The following NAMPT variants were observed in gnomAD, a reference collection of about 807,000 sequenced individuals.
NAMPT encodes NAmPRTase.
A neutral mutation model predicts 58.7 loss-of-function variants in NAMPT; 7 were observed. The observed-to-expected ratio is 0.12, with a 90% CI of 0.07 to 0.22. NAMPT has a LOEUF of 0.22. Among genes scored for constraint, NAMPT ranks in the 10% least tolerant of loss-of-function variants. NAMPT has a pLI of 1.00. For missense variants in NAMPT, 271 were observed against 567.9 expected (o/e 0.48, Z 5.31); for synonymous variants, 145 against 198.1 (o/e 0.73, Z 2.25).
chr7:106,254,864 C>T (rs771648479), intron 8 of NAMPT, among the ~76,000 whole-genome samples: 1 of 152,126 alleles, frequency 6.6e-6, no homozygotes, highest in Non-Finnish European at 1.5e-5. Flanking sequence ...CAGATCTCAG[C>T]AACACAAGCA....
intron 1 of NAMPT, among the ~76,000 whole-genome samples, chr7:106,281,028 G>A (rs1176124600): frequency 2.7e-5 from 4 of 149,716 alleles, no homozygotes; most frequent in Non-Finnish European, 4.4e-5. Context: ...CTTCATGAAA[G>A]GATAAACTTC....
At chr7:106,261,827 A>C in intron 7 of NAMPT, 120 bp from the exon 8 acceptor site, 1 of 1,076,234 alleles carries the variant, frequency 9.3e-7, no homozygotes, top group Non-Finnish European at 1.4e-6. Context: ...CTACTTTAAA[A>C]ATTTTATAAC....
At chr7:106,285,072 G>T, upstream of NAMPT, 1 of 1,356,006 alleles carries the variant, frequency 7.4e-7, no homozygotes, top group South Asian at 1.6e-5. Context: ...ACGCGGCGCG[G>T]GTGACGGCTG....
At position 106,269,091 on chromosome 7, in the gene NAMPT, T is replaced by C. The variant is rs1792481240; in HGVS notation, c.606+63A>G. The C allele has an allele frequency of 2.7e-6, 4 of 1,476,532 alleles. No individual in the cohort carries two copies. The Admixed American group carries it at 6.5e-5, about 24-fold the overall frequency. The allele number at this position is 1,476,532 out of a possible 1,614,324, so 91.5% of individuals were successfully genotyped here. ...CAATCTCAATAACGTCCCCAAAAGT[T>C]TACAGTGGTACTCTAACCAACAATC... On this transcript the variant is annotated intron_variant, in intron 5 of 10. Transcript: ENST00000222553.
At chr7:106,281,246 A>G (rs969740130) in intron 1 of NAMPT, among the ~76,000 whole-genome samples, 5 of 151,958 alleles carry the variant, frequency 3.3e-5, no homozygotes, top group Non-Finnish European at 5.9e-5. Context: ...TATGACACAT[A>G]TATTTCAGTT....
At position 106,270,715 on chromosome 7, in the gene NAMPT, C is replaced by T. The variant is rs193183567; in HGVS notation, c.448-1403G>A. Among the ~76,000 whole-genome samples the T allele has an allele frequency of 5.0e-3, 759 of 152,226 alleles. 4 individuals carry two copies. The highest frequency in any genetic ancestry group is 8.5e-3 in the Non-Finnish European group (580 of 68,000). The stretch of plus-strand genomic sequence containing the variant: ...AAGAAACCTCTTCTGGAGTGAGACC[C>T]GGTAGTCCCAGCTATCTGACCTGAG... On this transcript the variant is annotated intron_variant, in intron 4 of 10. Coordinates refer to ENST00000222553, the MANE Select transcript of NAMPT (RefSeq NM_005746.3).
Position 106,249,917 on chromosome 7 carries a change from A to T in NAMPT, c.*1166T>A, listed in dbSNP as rs1054589347. On this transcript the variant is annotated 3_prime_UTR_variant, in exon 11 of 11. Transcript: ENST00000222553. ...GATGTCAAGCACTTTGAATTTAGCC[A>T]ACTTAAGATTCTTCTATTGAAACAC... is the stretch of plus-strand genomic sequence containing the variant. 1 of 152,060 alleles carries T rather than the reference A, an allele frequency of 6.6e-6. No homozygotes were observed. The highest frequency in any genetic ancestry group is 6.6e-5 in the Admixed American group (1 of 15,228). The allele number at this position is 152,060 out of a possible 1,614,324, so 9.4% of individuals were successfully genotyped here. A position where few individuals can be genotyped will look rare whatever the true frequency, so the allele number is the denominator to read the frequency against.
chr7:106,276,866 T>C (rs1792657480), intron 2 of NAMPT, 157 bp downstream of exon 2: 5 of 634,530 alleles, frequency 7.9e-6, no homozygotes, highest in Non-Finnish European at 1.3e-5. Flanking sequence ...AAACCTTTTA[T>C]TTCAGAAAAC....
intron 6 of NAMPT, among the ~76,000 whole-genome samples, chr7:106,266,121 C>T (rs1792403424): frequency 6.6e-6 from 1 of 152,152 alleles, no homozygotes; most frequent in Non-Finnish European, 1.5e-5. Context: ...GAAGGTCACC[C>T]AGGTTTCCCA....
At chr7:106,283,654 G>T (rs1392764713) in intron 1 of NAMPT, among the ~76,000 whole-genome samples, 2 of 152,156 alleles carry the variant, frequency 1.3e-5, no homozygotes, top group African/African-American at 4.8e-5. Flanking sequence ...ACTTGATAGT[G>T]TTCGGATTTT....
At chr7:106,251,551 T>G (rs762622851) in intron 10 of NAMPT, among the ~76,000 whole-genome samples, 38 of 151,914 alleles carry the variant, frequency 2.5e-4, no homozygotes, top group Admixed American at 8.5e-4. Flanking sequence ...TCATTGTGAG[T>G]GTGCAGCAAA....
intron 4 of NAMPT, among the ~76,000 whole-genome samples, chr7:106,269,840 C>T (rs1018570469): frequency 2.0e-5 from 3 of 152,114 alleles, no homozygotes; most frequent in Non-Finnish European, 4.4e-5. Context: ...GTTTACTCCT[C>T]GAGGTAGTCT....
At chr7:106,255,384 T>A (rs933234009) in intron 8 of NAMPT, among the ~76,000 whole-genome samples, 5 of 152,260 alleles carry the variant, frequency 3.3e-5, no homozygotes, top group Non-Finnish European at 5.9e-5. Flanking sequence ...AAAGGCTGAC[T>A]CTGTTTTAAA....
chr7:106,283,557 A>AC (rs1462935782), intron 1 of NAMPT, among the ~76,000 whole-genome samples: 4 of 152,216 alleles, frequency 2.6e-5, no homozygotes, highest in African/African-American at 4.8e-5. Context: ...TGATTGAACC[A>AC]AGAGAACACA....
At chr7:106,278,912 C>G (rs1792701732) in intron 1 of NAMPT, among the ~76,000 whole-genome samples, 1 of 152,146 alleles carries the variant, frequency 6.6e-6, no homozygotes, top group African/African-American at 2.4e-5. Flanking sequence ...CAGTTTGACC[C>G]TTACTGTTCA....
In NAMPT at chr7:106,269,352, A is replaced by G. The variant is rs773738235; in HGVS notation, c.448-40T>C. 2.6e-6 allele frequency: 4 copies of G among 1,562,518 alleles called. No homozygotes were observed. In the South Asian group the frequency reaches 4.7e-5, roughly 18 times the overall value. On this transcript the variant is annotated intron_variant, in intron 4 of 10. Transcript: ENST00000222553. ...TTAACCACAAATATTAAGACATAAA[A>G]TACTGCATTCTTTCTGAGGAAAATC...
intron 2 of NAMPT, chr7:106,275,759 G>A (rs1053217881): frequency 1.3e-5 from 2 of 152,204 alleles, no homozygotes; most frequent in Non-Finnish European, 2.9e-5. Flanking sequence ...TTGGGGCCAG[G>A]CGTGGTGGCT....
chr7:106,257,036 C>T (rs188480991), intron 8 of NAMPT, among the ~76,000 whole-genome samples: 5 of 151,830 alleles, frequency 3.3e-5, no homozygotes, highest in African/African-American at 4.8e-5. Flanking sequence ...AGTAGCCGGG[C>T]GTGGTGGCAC....
chr7:106,256,724 A>T (rs74367214), intron 8 of NAMPT, among the ~76,000 whole-genome samples: 8,598 of 152,280 alleles, frequency 0.056, 284 homozygotes, highest in Middle Eastern at 0.13. Flanking sequence ...AGGGTAAGGG[A>T]GGCTAAACTA....
Sources: gnomAD v4.1 joint callset for allele counts (sites outside exome capture counted in the v4.1 genomes callset) on GRCh38, gnomAD v4.1.1 for gene constraint, MANE v1.5 for transcripts, NCBI Gene and HGNC (gene_info 2026-07-23, HGNC 2026-07-21) for gene names.